SOX6: variants seen among roughly 807,000 people sequenced by gnomAD.
The protein encoded by SOX6 is transcription factor SOX-6.
In SOX6, 11 loss-of-function variants were observed where a neutral mutation model predicts 97.8. The ratio of observed to expected loss-of-function variants is 0.11; its 90% confidence interval spans 0.07 to 0.19. SOX6 has a LOEUF of 0.19. SOX6 is among the 10% of genes least tolerant of loss of function. The pLI, the probability that SOX6 is intolerant of heterozygous loss-of-function variation, is 1.00. For missense variants in SOX6, 810 were observed against 1,039.5 expected, an observed-to-expected ratio of 0.78 and a Z score of 3.04; for synonymous variants, 360 against 371.4, an observed-to-expected ratio of 0.97 and a Z score of 0.35.
At chr11:16,290,994 T>G (rs1854893462) in intron 3 of SOX6, among the ~76,000 whole-genome samples, 1 of 152,026 alleles carries the variant, frequency 6.6e-6, no homozygotes, top group Non-Finnish European at 1.5e-5. Context: ...AATTGACACC[T>G]AATACTATTC....
intron 5 of SOX6, 71 bp from the exon 6 acceptor site, chr11:16,184,025 C>T: frequency 7.6e-7 from 1 of 1,310,664 alleles, no homozygotes; most frequent in East Asian, 2.4e-5. Context: ...AGGTATTTCT[C>T]CTGGTATTAC....
rs575909542 is a variant in SOX6, at chr11:16,613,920, G to T, written n.430-1660C>A. ...GCAGCCTTGGCGACCTCCCGGGACC[G>T]CCTGAAAGAGAAGCAAAGGGAGGGC... On this transcript the variant is annotated intron_variant and non_coding_transcript_variant, in intron 3 of 5. Coordinates refer to the SOX6 transcript ENST00000524520. The surrounding 1 kb of genome is among the most constrained non-coding windows in gnomAD (Gnocchi z 4.6). 2.6e-5 allele frequency among the ~76,000 whole-genome samples: 4 copies of T among 152,126 alleles called. No individual in the cohort carries two copies. The highest frequency in any genetic ancestry group is 5.9e-5 in the Non-Finnish European group (4 of 68,020).
chr11:16,666,511 A>C (rs1233986774), intron 3 of SOX6, among the ~76,000 whole-genome samples: 1 of 152,220 alleles, frequency 6.6e-6, no homozygotes, highest in Admixed American at 6.5e-5. Context: ...AGGCTATTTG[A>C]AAATATATAG....
At chr11:16,036,704 G>C (rs1048716111) in intron 12 of SOX6, among the ~76,000 whole-genome samples, 3 of 152,154 alleles carry the variant, frequency 2.0e-5, no homozygotes, top group Non-Finnish European at 4.4e-5. Context: ...AAAGTCTGCA[G>C]AAAGTTCAGA....
At chr11:16,706,364 C>A (rs183213947) in intron 3 of SOX6, among the ~76,000 whole-genome samples, 1 of 144,674 alleles carries the variant, frequency 6.9e-6, no homozygotes, top group East Asian at 2.1e-4. Context: ...TGGAGGATCA[C>A]TTAAGCCTGG....
chr11:16,658,494 G>C (rs544774451), intron 3 of SOX6, among the ~76,000 whole-genome samples: 1 of 151,016 alleles, frequency 6.6e-6, no homozygotes, highest in East Asian at 1.9e-4. Flanking sequence ...AGATCACGAG[G>C]TCAGAAGATC....
intron 3 of SOX6, among the ~76,000 whole-genome samples, chr11:16,651,415 G>C (rs2134013496): frequency 6.6e-6 from 1 of 152,192 alleles, no homozygotes; most frequent in East Asian, 1.9e-4. Context: ...ATATCAAAAA[G>C]ATAATACACC....
chr11:16,343,738 C>T (rs1280139980), intron 1 of SOX6, among the ~76,000 whole-genome samples: 1 of 151,858 alleles, frequency 6.6e-6, no homozygotes, highest in Non-Finnish European at 1.5e-5. Flanking sequence ...AAATTACACG[C>T]TGAATACAAT....
intron 4 of SOX6, among the ~76,000 whole-genome samples, chr11:16,203,502 A>G (rs1851993561): frequency 6.6e-6 from 1 of 152,148 alleles, no homozygotes; most frequent in Admixed American, 6.5e-5. Flanking sequence ...TTAATTATCA[A>G]CACAACAAAC....
At chr11:16,284,630 GGTTGAGCATCA>G (rs1854678288) in intron 3 of SOX6, among the ~76,000 whole-genome samples, 1 of 152,098 alleles carries the variant, frequency 6.6e-6, no homozygotes, top group South Asian at 2.1e-4. Flanking sequence ...GCCCTTCCCT[GGTTGAGCATCA>G]GTTTACTAGG....
intron 4 of SOX6, among the ~76,000 whole-genome samples, chr11:16,221,999 A>C (rs914358271): frequency 6.6e-6 from 1 of 152,260 alleles, no homozygotes; most frequent in South Asian, 2.1e-4. Flanking sequence ...GTATCAAAGA[A>C]GAATATTCAC....
intron 4 of SOX6, among the ~76,000 whole-genome samples, chr11:16,562,886 C>T (rs1204947840): frequency 6.6e-6 from 1 of 152,206 alleles, no homozygotes; most frequent in Admixed American, 6.5e-5. Context: ...AGAGGACCAT[C>T]TGAACTTCCA....
At chr11:16,171,815 G>A (rs1471300047) in intron 6 of SOX6, among the ~76,000 whole-genome samples, 1 of 151,676 alleles carries the variant, frequency 6.6e-6, no homozygotes, top group Non-Finnish European at 1.5e-5. Context: ...AACAAAATGG[G>A]AGGAAATCAG....
At chr11:16,421,590 A>T (rs1234069109) in intron 1 of SOX6, among the ~76,000 whole-genome samples, 1 of 152,210 alleles carries the variant, frequency 6.6e-6, no homozygotes, top group Non-Finnish European at 1.5e-5. Flanking sequence ...CTTCAGAAAT[A>T]GCCGTAGTAA....
intron 1 of SOX6, among the ~76,000 whole-genome samples, chr11:16,466,232 A>C (rs1024452300): frequency 3.3e-5 from 5 of 152,224 alleles, no homozygotes; most frequent in Non-Finnish European, 7.3e-5. Flanking sequence ...GCTAGCAAAA[A>C]TTTGGTGAAA....
chr11:16,510,212 C>A (rs1860856706), intron 4 of SOX6, among the ~76,000 whole-genome samples: 1 of 152,032 alleles, frequency 6.6e-6, no homozygotes, highest in South Asian at 2.1e-4. Context: ...TTTGTTTGTG[C>A]ACTTCAAAGA....
At chr11:15,985,996 A>G (rs1853823962) in intron 15 of SOX6, among the ~76,000 whole-genome samples, 1 of 152,128 alleles carries the variant, frequency 6.6e-6, no homozygotes, top group South Asian at 2.1e-4. Flanking sequence ...CTGGGAGTGA[A>G]CTGTTCCAGG....
At chr11:16,552,122 C>T (rs1050713181) in intron 4 of SOX6, among the ~76,000 whole-genome samples, 1 of 151,878 alleles carries the variant, frequency 6.6e-6, no homozygotes, top group Non-Finnish European at 1.5e-5. Context: ...ATAGTAATGC[C>T]TAAAATTTTT....
At chr11:15,986,498 C>A in intron 14 of SOX6, 78 bp from the exon 15 acceptor site, 1 of 1,376,518 alleles carries the variant, frequency 7.3e-7, no homozygotes, top group East Asian at 2.3e-5. Context: ...ATATACCTTC[C>A]CATCACTTCA....
Sources: gnomAD v4.1 joint callset for allele counts (sites outside exome capture counted in the v4.1 genomes callset) on GRCh38, gnomAD v4.1.1 for gene constraint, Gnocchi (gnomAD v3.1) non-coding constraint, MANE v1.5 for transcripts, NCBI Gene and HGNC (gene_info 2026-07-23, HGNC 2026-07-21) for gene names.